PDE10A: variants seen among roughly 807,000 people sequenced by gnomAD.
The protein encoded by PDE10A is cAMP and cAMP-inhibited cGMP 3',5'-cyclic phosphodiesterase 10A.
A neutral mutation model predicts 97.7 loss-of-function variants in PDE10A; 39 were observed. The observed-to-expected ratio is 0.40, with a 90% CI of 0.31 to 0.52. The LOEUF (loss-of-function observed/expected upper bound fraction) is 0.52. Ranked by LOEUF, PDE10A falls within the 20% of genes least tolerant of loss-of-function variation. PDE10A has a pLI of 0.56. For synonymous variants in PDE10A, 371 were observed against 376.8 expected (o/e 0.98, Z 0.18); for missense variants, 731 against 1,047.8 (o/e 0.70, Z 4.17).
chr6:165,388,363 C>T lies in PDE10A; in HGVS notation c.2545G>A (p.Ala849Thr), dbSNP rs560876640. ...SYLQKFDHPL[A>T]ALYSTSTMEQ... Reference sequence around the variant, plus strand: ...ATGGTGGAAGTGGAGTAGAGAGCGGCCAGAGGGTGGTCGAACTTCTGCAGG... The same window carrying T: ...ATGGTGGAAGTGGAGTAGAGAGCGGTCAGAGGGTGGTCGAACTTCTGCAGG... The change falls in exon 17 of 22, where the codon GCC becomes ACC. Residue 849 changes from alanine to threonine, a missense_variant. Ala to Thr is a moderately conservative substitution (Grantham distance 58, BLOSUM62 0). Coordinates refer to ENST00000539869, the MANE Select transcript of PDE10A (RefSeq NM_001385079.1). This position sits in a 1 kb window ranked among gnomAD's most constrained non-coding sequence, Gnocchi z 4.0. 1 of 1,614,018 alleles carries T rather than the reference C, an allele frequency of 6.2e-7. No individual in the cohort carries two copies. The highest frequency in any genetic ancestry group is 1.3e-5 in the African/African-American group (1 of 74,992).
At chr6:165,753,888 T>A (rs1271988449) in intron 1 of PDE10A, among the ~76,000 whole-genome samples, 1 of 152,238 alleles carries the variant, frequency 6.6e-6, no homozygotes, top group East Asian at 1.9e-4. Flanking sequence ...TTCATTTTCT[T>A]AAATTAGTAA....
intron 21 of PDE10A, among the ~76,000 whole-genome samples, chr6:165,334,004 G>A (rs1007130746): frequency 6.6e-6 from 1 of 152,232 alleles, no homozygotes; most frequent in Non-Finnish European, 1.5e-5. Flanking sequence ...ACTGAAAAGT[G>A]TAGCCCTTTT....
At chr6:165,959,774 G>A (rs1196160421) in intron 1 of PDE10A, among the ~76,000 whole-genome samples, 1 of 152,116 alleles carries the variant, frequency 6.6e-6, no homozygotes, top group Non-Finnish European at 1.5e-5. Flanking sequence ...CTTCCCAGGT[G>A]CCTGCTTCCT....
intron 1 of PDE10A, among the ~76,000 whole-genome samples, chr6:165,860,733 G>A (rs1376920643): frequency 4.6e-5 from 7 of 152,170 alleles, no homozygotes; most frequent in South Asian, 2.1e-4. Context: ...GGGAGCTGCC[G>A]TGTATTGATT....
intron 1 of PDE10A, among the ~76,000 whole-genome samples, chr6:165,857,135 G>A (rs1490951847): frequency 6.6e-6 from 1 of 152,102 alleles, no homozygotes; most frequent in Non-Finnish European, 1.5e-5. Context: ...GGAGCTAAGG[G>A]AGCACTTACC....
intron 1 of PDE10A, among the ~76,000 whole-genome samples, chr6:165,720,016 G>A (rs1352221692): frequency 6.6e-6 from 1 of 152,212 alleles, no homozygotes; most frequent in Non-Finnish European, 1.5e-5. Flanking sequence ...ACTGCTGCGA[G>A]AATTTGGTTC....
intron 1 of PDE10A, chr6:165,775,178 A>G (rs927293057): frequency 9.2e-5 from 14 of 152,152 alleles, no homozygotes; most frequent in African/African-American, 1.7e-4. Flanking sequence ...TCCCAGCTAC[A>G]TTATCAAGAA....
At chr6:165,725,828 T>C in intron 1 of PDE10A, among the ~76,000 whole-genome samples, 1 of 152,166 alleles carries the variant, frequency 6.6e-6, no homozygotes, top group East Asian at 1.9e-4. Flanking sequence ...ACAAGACGTA[T>C]CCAACTTGTC....
chr6:165,806,179 C>T (rs1779134157), intron 1 of PDE10A, among the ~76,000 whole-genome samples: 1 of 151,806 alleles, frequency 6.6e-6, no homozygotes, highest in Admixed American at 6.6e-5. Context: ...CACAGCCACA[C>T]GTCTACAGGA....
At chr6:165,869,497 A>C (rs887228657) in intron 1 of PDE10A, among the ~76,000 whole-genome samples, 2 of 152,190 alleles carry the variant, frequency 1.3e-5, no homozygotes, top group African/African-American at 2.4e-5. Flanking sequence ...GAAAGAATTA[A>C]TGTTGTTAAA....
chr6:165,646,535 C>T (rs1182543330), intron 1 of PDE10A, among the ~76,000 whole-genome samples: 2 of 152,230 alleles, frequency 1.3e-5, no homozygotes, highest in East Asian at 1.9e-4. Flanking sequence ...CCAAAATACA[C>T]GTCTCCAAGT....
intron 1 of PDE10A, among the ~76,000 whole-genome samples, chr6:165,575,428 T>C (rs1785254367): frequency 6.6e-6 from 1 of 152,212 alleles, no homozygotes; most frequent in South Asian, 2.1e-4. Context: ...CCCTCCAATG[T>C]TTCTCTGAAC....
At position 165,536,890 on chromosome 6, in the gene PDE10A, C is replaced by T. The variant is rs191457441; in HGVS notation, c.994+6550G>A. 1.3e-3 allele frequency among the ~76,000 whole-genome samples: 193 copies of T among 151,912 alleles called. 2 individuals carry two copies. The highest frequency in any genetic ancestry group is 2.1e-3 in the Admixed American group (32 of 15,242). On this transcript the variant is annotated intron_variant, in intron 2 of 21. Transcript: ENST00000539869. ...GCCATTATGGAAAACAGTATGGAGG[C>T]TCCTCAAAAAACTAAAAACAGAGCT...
chr6:165,367,165 T>C (rs1315281855), intron 18 of PDE10A, among the ~76,000 whole-genome samples: 3 of 151,476 alleles, frequency 2.0e-5, no homozygotes, highest in Admixed American at 1.3e-4. Context: ...AGGAGAAACA[T>C]AGCAGCTATA....
chr6:165,948,949 C>G (rs887611988), intron 1 of PDE10A: 1 of 152,236 alleles, frequency 6.6e-6, no homozygotes, highest in Non-Finnish European at 1.5e-5. Context: ...TGGTCCCTGT[C>G]CTGACTCCAG....
intron 1 of PDE10A, among the ~76,000 whole-genome samples, chr6:165,728,744 A>G (rs948935649): frequency 6.6e-6 from 1 of 152,182 alleles, no homozygotes; most frequent in African/African-American, 2.4e-5. Context: ...CAGGGAGATT[A>G]TGACCATACC....
rs144225120 is a variant in PDE10A, at chr6:165,955,356, T to C, written c.-615+32173A>G. ...GCGATAACTTCCAAACTGTCTCCTC[T>C]TCAGTCTCCCTGTATTCAGTGTTTC... On this transcript the variant is annotated intron_variant, in intron 1 of 19. Coordinates refer to the PDE10A transcript ENST00000366882. Among the ~76,000 whole-genome samples, 27 of 152,328 alleles carry C rather than the reference T, an allele frequency of 1.8e-4. No homozygotes were observed. In the East Asian group the frequency reaches 4.6e-3, roughly 26 times the overall value.
chr6:165,537,271 A>G (rs947578861), intron 2 of PDE10A, among the ~76,000 whole-genome samples: 1 of 152,048 alleles, frequency 6.6e-6, no homozygotes, highest in Non-Finnish European at 1.5e-5. Context: ...GGTAGTTACC[A>G]GAGGCCGGGA....
At chr6:165,752,129 C>CAAAAA (rs58229023) in intron 1 of PDE10A, among the ~76,000 whole-genome samples, 1 of 66,354 alleles carries the variant, frequency 1.5e-5, no homozygotes, top group African/African-American at 5.4e-5. Flanking sequence ...GGCAACAGAG[C>CAAAAA]AAAAAAAAAA....
Sources: allele counts gnomAD v4.1 joint callset (sites outside exome capture counted in the v4.1 genomes callset), GRCh38; gene constraint gnomAD v4.1.1; non-coding constraint Gnocchi (gnomAD v3.1); transcripts MANE v1.5; gene names NCBI Gene and HGNC (gene_info 2026-07-23, HGNC 2026-07-21).